Variants in GALNTL6 observed in about 807,000 individuals in gnomAD.
GALNTL6 encodes polypeptide N-acetylgalactosaminyltransferase like 6.
GALNTL6 carries 46 observed loss-of-function variants against 73.7 expected under a neutral mutation model. The observed-to-expected ratio is 0.62, with a 90% confidence interval of 0.49 to 0.80. GALNTL6 has a LOEUF of 0.80. Ranked by LOEUF, GALNTL6 falls within the 30% of genes least tolerant of loss-of-function variation. The probability of loss-of-function intolerance (pLI) is 0.00; values close to 1 mark genes in which losing one functional copy is unlikely to be tolerated. For synonymous variants in GALNTL6, 259 were observed against 263.7 expected, an observed-to-expected ratio of 0.98 and a Z score of 0.17; for missense variants, 604 against 755.0, an observed-to-expected ratio of 0.80 and a Z score of 2.34.
At chr4:172,822,713 A>G (rs559973469) in intron 7 of GALNTL6, among the ~76,000 whole-genome samples, 2 of 152,192 alleles carry the variant, frequency 1.3e-5, no homozygotes, top group Admixed American at 6.5e-5. Flanking sequence ...CACCTAAGAC[A>G]TAGCAATGGC....
intron 3 of GALNTL6, among the ~76,000 whole-genome samples, chr4:172,292,268 A>C (rs1451271238): frequency 1.3e-5 from 2 of 152,048 alleles, no homozygotes; most frequent in African/African-American, 2.4e-5. Context: ...ATGATAAATT[A>C]TAGCATAAAA....
chr4:171,824,537 T>C (rs1734774465), intron 2 of GALNTL6, among the ~76,000 whole-genome samples: 3 of 152,148 alleles, frequency 2.0e-5, no homozygotes, highest in Admixed American at 1.3e-4. Context: ...ATAAGCAATT[T>C]AAAATGTTAT....
chr4:172,987,940 A>G (rs1033846330), intron 10 of GALNTL6, among the ~76,000 whole-genome samples: 7 of 152,164 alleles, frequency 4.6e-5, no homozygotes, highest in African/African-American at 1.7e-4. Flanking sequence ...CCTCTTTTCT[A>G]ATAAATTACC....
chr4:172,208,536 T>TAAAA (rs1736218193), intron 2 of GALNTL6, among the ~76,000 whole-genome samples: 1 of 152,310 alleles, frequency 6.6e-6, no homozygotes, highest in East Asian at 1.9e-4. Context: ...GGTATTTTTC[T>TAAAA]AAAGAGCATG....
chr4:171,966,995 G>A (rs1052715269), intron 2 of GALNTL6, among the ~76,000 whole-genome samples: 4 of 152,030 alleles, frequency 2.6e-5, no homozygotes, highest in Non-Finnish European at 1.5e-5. Context: ...ATAGCTCTAA[G>A]GAAATAGACA....
chr4:172,408,934 G>T (rs777226756), intron 5 of GALNTL6, among the ~76,000 whole-genome samples: 6 of 151,982 alleles, frequency 3.9e-5, no homozygotes, highest in Non-Finnish European at 7.4e-5. Context: ...TCATTATTTT[G>T]AAGTTAGTAG....
chr4:172,720,531 G>C (rs1348836384), intron 5 of GALNTL6, among the ~76,000 whole-genome samples: 2 of 152,178 alleles, frequency 1.3e-5, no homozygotes, highest in Non-Finnish European at 2.9e-5. Context: ...AGATGGAGTT[G>C]CTCTGGTTCA....
intron 2 of GALNTL6, among the ~76,000 whole-genome samples, chr4:172,059,059 C>G (rs953139921): frequency 2.0e-5 from 3 of 152,136 alleles, no homozygotes; most frequent in Non-Finnish European, 2.9e-5. Flanking sequence ...AAACTAAAGT[C>G]TTGAAAAGAA....
chr4:172,080,310 A>G (rs1434085371), intron 2 of GALNTL6, among the ~76,000 whole-genome samples: 1 of 152,148 alleles, frequency 6.6e-6, no homozygotes, highest in Non-Finnish European at 1.5e-5. Flanking sequence ...CCTCCTGAGT[A>G]GTTAGAACTA....
At chr4:172,812,924 C>T (rs753131104) in intron 6 of GALNTL6, among the ~76,000 whole-genome samples, 23 of 151,950 alleles carry the variant, frequency 1.5e-4, no homozygotes, top group Non-Finnish European at 2.4e-4. Flanking sequence ...AATACTTTTT[C>T]GAATATGATG....
rs112414184 is a variant in GALNTL6 at position 171,824,435 on chromosome 4, A to T, written c.138+9717A>T. Reference sequence around the variant, plus strand: ...TGTCTTAGATTTCTCATTTCTAAAAAGAGTATAAAAAGAGTGTCTAATGGA... The same window carrying T: ...TGTCTTAGATTTCTCATTTCTAAAATGAGTATAAAAAGAGTGTCTAATGGA... On this transcript the variant is annotated intron_variant, in intron 2 of 12. Coordinates refer to ENST00000506823, the MANE Select transcript of GALNTL6 (RefSeq NM_001034845.3). Among the ~76,000 whole-genome samples the T allele has an allele frequency of 4.5e-3, 692 of 152,226 alleles. 3 individuals carry two copies. The highest frequency in any genetic ancestry group is 0.016 in the African/African-American group (658 of 41,564).
chr4:171,867,880 C>T (rs1454443719), intron 2 of GALNTL6, among the ~76,000 whole-genome samples: 1 of 152,126 alleles, frequency 6.6e-6, no homozygotes, highest in African/African-American at 2.4e-5. Context: ...TTATTCATTT[C>T]CTCAAAGGTC....
At chr4:172,312,620 A>T (rs796333321) in intron 4 of GALNTL6, among the ~76,000 whole-genome samples, 4 of 152,324 alleles carry the variant, frequency 2.6e-5, no homozygotes, top group African/African-American at 9.6e-5. Context: ...TCAAGGAAAA[A>T]AAATCAGGGC....
At chr4:172,723,897 C>T (rs1735642755) in intron 5 of GALNTL6, among the ~76,000 whole-genome samples, 1 of 152,126 alleles carries the variant, frequency 6.6e-6, no homozygotes, top group Non-Finnish European at 1.5e-5. Context: ...AAAAGTACCT[C>T]TGTACAGGTT....
chr4:172,964,302 A>C (rs1202446221), intron 10 of GALNTL6, among the ~76,000 whole-genome samples: 1 of 152,204 alleles, frequency 6.6e-6, no homozygotes, highest in Non-Finnish European at 1.5e-5. Context: ...ATAGTCTAAA[A>C]AGAAGAGTTC....
chr4:172,626,206 C>T (rs1355214086), intron 5 of GALNTL6, among the ~76,000 whole-genome samples: 1 of 151,848 alleles, frequency 6.6e-6, no homozygotes, highest in Non-Finnish European at 1.5e-5. Flanking sequence ...TATGATGAAA[C>T]GTAGGGGTCA....
chr4:172,055,237 G>A (rs994049857), intron 2 of GALNTL6, among the ~76,000 whole-genome samples: 12 of 152,170 alleles, frequency 7.9e-5, no homozygotes, highest in African/African-American at 2.2e-4. Flanking sequence ...GCCTCCTTTC[G>A]CTTTCAGATG....
chr4:172,647,533 C>T (rs1048715328), intron 5 of GALNTL6, among the ~76,000 whole-genome samples: 2 of 151,952 alleles, frequency 1.3e-5, no homozygotes, highest in South Asian at 2.1e-4. Context: ...GGCTGAGGCA[C>T]GCTCTTCTAA....
chr4:172,188,196 A>G (rs1735471498), intron 2 of GALNTL6, among the ~76,000 whole-genome samples: 1 of 152,238 alleles, frequency 6.6e-6, no homozygotes, highest in Admixed American at 6.5e-5. Flanking sequence ...ACCATAACGC[A>G]TACAAATTCT....
Sources: allele counts gnomAD v4.1 joint callset (sites outside exome capture counted in the v4.1 genomes callset), GRCh38; gene constraint gnomAD v4.1.1; transcripts MANE v1.5; gene names NCBI Gene and HGNC (gene_info 2026-07-23, HGNC 2026-07-21).